The following RPS6KC1 variants were observed in gnomAD, a reference collection of about 807,000 sequenced individuals.
The protein encoded by RPS6KC1 is inactive ribosomal protein S6 kinase delta-1.
Under a neutral mutation model 103.8 loss-of-function variants are expected in RPS6KC1, and 54 were observed. The ratio of observed to expected loss-of-function variants is 0.52; its 90% CI spans 0.42 to 0.65. RPS6KC1 has a LOEUF of 0.65. Among genes scored for constraint, RPS6KC1 ranks in the 30% least tolerant of loss-of-function variants. RPS6KC1 has a pLI of 0.00. For synonymous variants in RPS6KC1, 439 were observed against 438.7 expected, an observed-to-expected ratio of 1.00 and a Z score of -0.01; for missense variants, 1,151 against 1,253.8, an observed-to-expected ratio of 0.92 and a Z score of 1.24.
At chr1:213,853,955 G>A in the RPS6KC1 span, among the ~76,000 whole-genome samples, 3 of 152,172 alleles carry the variant, frequency 2.0e-5, no homozygotes, top group Non-Finnish European at 4.4e-5. Context: ...TGAGAAGAAG[G>A]TGACTGGTGC....
the RPS6KC1 span, among the ~76,000 whole-genome samples, chr1:213,383,524 A>T: frequency 6.6e-6 from 1 of 152,200 alleles, no homozygotes; most frequent in Admixed American, 6.5e-5. Context: ...CTCTACACCC[A>T]CTTCAAAGAA....
At chr1:213,235,263 T>G (rs977875319) in intron 10 of RPS6KC1, among the ~76,000 whole-genome samples, 5 of 152,188 alleles carry the variant, frequency 3.3e-5, no homozygotes, top group Admixed American at 3.3e-4. Flanking sequence ...TAGAAATGTA[T>G]TGAGTGCTTG....
intron 8 of RPS6KC1, among the ~76,000 whole-genome samples, chr1:213,183,205 A>G (rs2092367957): frequency 1.3e-5 from 2 of 152,130 alleles, no homozygotes; most frequent in Non-Finnish European, 2.9e-5. Flanking sequence ...GAAAGGAGAA[A>G]TAGGCAGTTA....
the RPS6KC1 span, among the ~76,000 whole-genome samples, chr1:213,528,180 TTTAA>T: frequency 1.2e-4 from 19 of 152,162 alleles, no homozygotes; most frequent in Non-Finnish European, 2.1e-4. Context: ...AGGGAAGAGG[TTTAA>T]TTGACTCACA....
the RPS6KC1 span, among the ~76,000 whole-genome samples, chr1:213,524,333 A>C: frequency 0.79 from 120,209 of 151,712 alleles, 48,607 homozygotes; most frequent in East Asian, 0.98. Flanking sequence ...CAGGCAGCTC[A>C]GTGGTGCTCT....
chr1:213,357,955 G>T, the RPS6KC1 span, among the ~76,000 whole-genome samples: 3 of 152,138 alleles, frequency 2.0e-5, no homozygotes, highest in African/African-American at 7.2e-5. Context: ...TGCGTATGTT[G>T]AACCAGCCTT....
the RPS6KC1 span, among the ~76,000 whole-genome samples, chr1:213,376,361 A>C: frequency 6.6e-6 from 1 of 152,152 alleles, no homozygotes; most frequent in East Asian, 1.9e-4. Flanking sequence ...GGATTTACTT[A>C]GCAAATTCCC....
chr1:213,537,743 G>C, the RPS6KC1 span, among the ~76,000 whole-genome samples: 14 of 152,154 alleles, frequency 9.2e-5, no homozygotes, highest in Admixed American at 2.0e-4. Context: ...TGGCTGCTGT[G>C]TTTGGGGGCA....
chr1:213,205,050 C>T (rs574750953), intron 8 of RPS6KC1, among the ~76,000 whole-genome samples: 1 of 152,090 alleles, frequency 6.6e-6, no homozygotes, highest in Non-Finnish European at 1.5e-5. Flanking sequence ...GAGCATTGTA[C>T]TACTCCCAGG....
At chr1:213,415,562 T>G in the RPS6KC1 span, among the ~76,000 whole-genome samples, 1 of 152,190 alleles carries the variant, frequency 6.6e-6, no homozygotes, top group African/African-American at 2.4e-5. Flanking sequence ...CAGCTTCACT[T>G]CCAGCCCCTC....
intron 3 of RPS6KC1, among the ~76,000 whole-genome samples, chr1:213,103,004 C>T (rs1443111014): frequency 6.6e-6 from 1 of 151,880 alleles, no homozygotes; most frequent in Non-Finnish European, 1.5e-5. Context: ...TCCAGGAATT[C>T]GACATTAGCC....
the RPS6KC1 span, among the ~76,000 whole-genome samples, chr1:213,604,706 C>A: frequency 6.6e-6 from 1 of 152,200 alleles, no homozygotes. Flanking sequence ...ACCCTGCAGC[C>A]CTGGGGCGAC....
At chr1:213,282,300 C>A in the RPS6KC1 span, among the ~76,000 whole-genome samples, 1 of 152,190 alleles carries the variant, frequency 6.6e-6, no homozygotes, top group Non-Finnish European at 1.5e-5. Flanking sequence ...TGATCCTGGA[C>A]CTGTTTTGCA....
chr1:213,230,380 C>T (rs2094063788), intron 8 of RPS6KC1, 117 bp from the exon 9 acceptor site: 1 of 594,808 alleles, frequency 1.7e-6, no homozygotes, highest in Non-Finnish European at 2.8e-6. Flanking sequence ...CAGAAATGAA[C>T]AATTTTGGGG....
chr1:213,548,453 G>A, the RPS6KC1 span, among the ~76,000 whole-genome samples: 1 of 152,188 alleles, frequency 6.6e-6, no homozygotes, highest in Admixed American at 6.5e-5. Flanking sequence ...ACGAGGTCAA[G>A]AGATCGAGAC....
At chr1:213,778,050 G>A in the RPS6KC1 span, among the ~76,000 whole-genome samples, 4 of 152,198 alleles carry the variant, frequency 2.6e-5, no homozygotes, top group African/African-American at 9.7e-5. Flanking sequence ...TACTCAGGCA[G>A]TCTGAACCCG....
the RPS6KC1 span, among the ~76,000 whole-genome samples, chr1:213,780,885 T>C: frequency 0.19 from 28,697 of 152,066 alleles, 2,909 homozygotes; most frequent in Middle Eastern, 0.32. Flanking sequence ...TATCTGGATG[T>C]GGTGGCGTGC....
At chr1:213,106,098 T>C (rs1396445689) in intron 4 of RPS6KC1, among the ~76,000 whole-genome samples, 2 of 152,190 alleles carry the variant, frequency 1.3e-5, no homozygotes, top group Non-Finnish European at 2.9e-5. Flanking sequence ...TTGTGAAAGA[T>C]TGGACAGTTT....
At chr1:213,487,811 G>A in the RPS6KC1 span, among the ~76,000 whole-genome samples, 5 of 152,060 alleles carry the variant, frequency 3.3e-5, no homozygotes, top group Admixed American at 6.6e-5. Context: ...ACCTAGAATT[G>A]TATCAGGAAT....
Sources: gnomAD v4.1 joint callset for allele counts (sites outside exome capture counted in the v4.1 genomes callset) on GRCh38, gnomAD v4.1.1 for gene constraint, MANE v1.5 for transcripts, NCBI Gene and HGNC (gene_info 2026-07-23, HGNC 2026-07-21) for gene names.